Variants in MACROD2 observed in about 807,000 individuals in gnomAD.
MACROD2 encodes the protein ADP-ribose glycohydrolase MACROD2.
Under a neutral mutation model 70.4 loss-of-function variants are expected in MACROD2, and 36 were observed. That is an observed-to-expected ratio of 0.51 (90% CI 0.39 to 0.68). The LOEUF (loss-of-function observed/expected upper bound fraction) is 0.68. Among genes scored for constraint, MACROD2 ranks in the 30% least tolerant of loss-of-function variants. The pLI, the probability that MACROD2 is intolerant of heterozygous loss-of-function variation, is 0.00. For synonymous variants in MACROD2, 172 were observed against 178.8 expected (o/e 0.96, Z 0.30); for missense variants, 496 against 538.4 (o/e 0.92, Z 0.78).
chr20:15,007,999 C>CAGTAG (rs754170809), intron 5 of MACROD2, among the ~76,000 whole-genome samples: 8 of 152,188 alleles, frequency 5.3e-5, no homozygotes, highest in Non-Finnish European at 1.2e-4. Flanking sequence ...CAGGAAAGCA[C>CAGTAG]AGTAGAAGAG....
chr20:14,367,855 C>T (rs911684962), intron 3 of MACROD2, among the ~76,000 whole-genome samples: 1 of 151,962 alleles, frequency 6.6e-6, no homozygotes, highest in Non-Finnish European at 1.5e-5. Context: ...CAAATTCTGT[C>T]TGCTGTTTCT....
At chr20:14,842,634 T>C (rs905274019) in intron 5 of MACROD2, among the ~76,000 whole-genome samples, 2 of 152,136 alleles carry the variant, frequency 1.3e-5, no homozygotes, top group African/African-American at 4.8e-5. Flanking sequence ...AGCAGATATT[T>C]GTGTGCGATT....
chr20:15,740,689 C>T (rs2051091165), intron 8 of MACROD2, among the ~76,000 whole-genome samples: 1 of 150,734 alleles, frequency 6.6e-6, no homozygotes, highest in African/African-American at 2.5e-5. Flanking sequence ...CACTCCCCAA[C>T]AAAATTTACT....
intron 8 of MACROD2, among the ~76,000 whole-genome samples, chr20:15,786,803 AT>A (rs1428104687): frequency 6.6e-6 from 1 of 152,192 alleles, no homozygotes; most frequent in Non-Finnish European, 1.5e-5. Flanking sequence ...TAAAACAACA[AT>A]GGGGATTATA....
At chr20:16,011,442 G>T (rs183692995) in intron 15 of MACROD2, among the ~76,000 whole-genome samples, 2 of 152,214 alleles carry the variant, frequency 1.3e-5, no homozygotes, top group East Asian at 1.9e-4. Flanking sequence ...AGGCCCCAGT[G>T]GTTCTGAGCG....
At chr20:14,771,713 TAC>T (rs2072169641) in intron 5 of MACROD2, among the ~76,000 whole-genome samples, 1 of 150,334 alleles carries the variant, frequency 6.7e-6, no homozygotes, top group Non-Finnish European at 1.5e-5. Flanking sequence ...ACTTATCCTA[TAC>T]ACACACACGT....
chr20:14,605,908 A>T (rs1192720903), intron 4 of MACROD2, among the ~76,000 whole-genome samples: 1 of 152,156 alleles, frequency 6.6e-6, no homozygotes, highest in East Asian at 1.9e-4. Context: ...TTATAATTGT[A>T]ATGTAAATGT....
chr20:15,862,034 A>G (rs983942645), intron 8 of MACROD2, among the ~76,000 whole-genome samples: 1 of 152,178 alleles, frequency 6.6e-6, no homozygotes, highest in Non-Finnish European at 1.5e-5. Context: ...TCCATTTACT[A>G]TATTACTCTC....
intron 11 of MACROD2, among the ~76,000 whole-genome samples, chr20:15,936,436 T>C (rs1197441730): frequency 6.7e-6 from 1 of 148,288 alleles, no homozygotes; most frequent in Non-Finnish European, 1.5e-5. Flanking sequence ...ATATACTATA[T>C]ATGTATATGT....
intron 6 of MACROD2, among the ~76,000 whole-genome samples, chr20:15,351,688 C>G (rs1235037152): frequency 2.0e-5 from 3 of 152,168 alleles, no homozygotes; most frequent in Non-Finnish European, 4.4e-5. Context: ...TTTGGGGACC[C>G]CTCTTCCCAA....
chr20:15,143,041 T>C (rs1309496941), intron 5 of MACROD2, among the ~76,000 whole-genome samples: 1 of 143,254 alleles, frequency 7.0e-6, no homozygotes, highest in Non-Finnish European at 1.5e-5. Context: ...ATGGGATGGC[T>C]GGGTCAAATG....
chr20:14,999,829 C>A (rs2074979031), intron 5 of MACROD2, among the ~76,000 whole-genome samples: 1 of 152,016 alleles, frequency 6.6e-6, no homozygotes, highest in Non-Finnish European at 1.5e-5. Flanking sequence ...TGTTAAAACA[C>A]AAAATAGCAA....
intron 8 of MACROD2, among the ~76,000 whole-genome samples, chr20:15,558,432 C>CA (rs759552429): frequency 1.3e-5 from 2 of 152,276 alleles, no homozygotes; most frequent in Middle Eastern, 6.8e-3. Context: ...CTTTCAATGG[C>CA]AAAAAACACA....
At chr20:15,669,759 T>A (rs2049953383) in intron 8 of MACROD2, among the ~76,000 whole-genome samples, 1 of 152,128 alleles carries the variant, frequency 6.6e-6, no homozygotes, top group Non-Finnish European at 1.5e-5. Flanking sequence ...AAATAAAAAT[T>A]TCCCCAACCA....
chr20:14,084,638 A>G (rs1161291895), intron 2 of MACROD2, among the ~76,000 whole-genome samples: 2 of 152,102 alleles, frequency 1.3e-5, no homozygotes, highest in Non-Finnish European at 2.9e-5. Context: ...AAAATATCAG[A>G]TTTCAGAAAG....
At chr20:14,560,338 C>CACACAA (rs1488340489) in intron 4 of MACROD2, among the ~76,000 whole-genome samples, 2 of 150,766 alleles carry the variant, frequency 1.3e-5, no homozygotes, top group African/African-American at 4.9e-5. Context: ...CACACACACA[C>CACACAA]AGGTGCACGC....
At position 15,664,838 on chromosome 20, in the gene MACROD2, G is replaced by T. The variant is rs6034249; in HGVS notation, c.645+164991G>T. On this transcript the variant is annotated intron_variant, in intron 8 of 17. Coordinates refer to ENST00000684519, the MANE Select transcript of MACROD2 (RefSeq NM_001351661.2). ...AACCTCAGGGTCAAACCCAAAGTCA[G>T]GGTGTGGGGAGGTATACTCCACCTT... is the stretch of plus-strand genomic sequence containing the variant. Among the ~76,000 whole-genome samples, 1,487 of 151,986 alleles carry T rather than the reference G, an allele frequency of 9.8e-3. 32 individuals carry two copies. Among genetic ancestry groups the T allele is most frequent in the African/African-American group, 0.032 (1,325 of 41,414 alleles).
chr20:15,184,689 G>T (rs77094733), intron 5 of MACROD2, among the ~76,000 whole-genome samples: 1 of 152,192 alleles, frequency 6.6e-6, no homozygotes, highest in African/African-American at 2.4e-5. Flanking sequence ...TCAGCCACCT[G>T]ATCTCAGCCA....
At chr20:14,912,499 A>C (rs1302606727) in intron 5 of MACROD2, among the ~76,000 whole-genome samples, 1 of 152,154 alleles carries the variant, frequency 6.6e-6, no homozygotes, top group African/African-American at 2.4e-5. Flanking sequence ...GGGGCATGCC[A>C]GCTAGTCTTC....
Sources: allele counts gnomAD v4.1 joint callset (sites outside exome capture counted in the v4.1 genomes callset), GRCh38; gene constraint gnomAD v4.1.1; transcripts MANE v1.5; gene names NCBI Gene and HGNC (gene_info 2026-07-23, HGNC 2026-07-21).